NSD2: variants seen among roughly 807,000 people sequenced by gnomAD.
NSD2 encodes nuclear receptor binding SET domain protein 2, also known as histone-lysine N-methyltransferase NSD2.
In NSD2, 12 loss-of-function variants were observed where a neutral mutation model predicts 139.0. The observed-to-expected ratio is 0.09, with a 90% CI of 0.06 to 0.14. NSD2 has a LOEUF of 0.14. NSD2 is among the 10% of genes least tolerant of loss of function. The probability of loss-of-function intolerance (pLI) is 1.00; values close to 1 mark genes in which losing one functional copy is unlikely to be tolerated. For missense variants in NSD2, 1,155 were observed against 1,745.0 expected, an observed-to-expected ratio of 0.66 and a Z score of 6.02; for synonymous variants, 669 against 648.7, an observed-to-expected ratio of 1.03 and a Z score of -0.48.
intron 1 of NSD2, among the ~76,000 whole-genome samples, chr4:1,880,689 A>C (rs550846215): frequency 1.3e-5 from 2 of 152,330 alleles, no homozygotes; most frequent in East Asian, 3.9e-4. Flanking sequence ...TACAGGGGCA[A>C]GAGAAATACT....
At chr4:1,886,155 C>T (rs1275475093) in intron 1 of NSD2, among the ~76,000 whole-genome samples, 1 of 152,170 alleles carries the variant, frequency 6.6e-6, no homozygotes, top group Non-Finnish European at 1.5e-5. Context: ...CCCTGCTGTA[C>T]TCCCCTTCAG....
At position 1,973,171 on chromosome 4, in the gene NSD2, G is replaced by A. The variant is rs534710622; in HGVS notation, c.3373-1692G>A. On this transcript the variant is annotated intron_variant, in intron 18 of 21. Coordinates refer to ENST00000508803, the MANE Select transcript of NSD2 (RefSeq NM_001042424.3). The surrounding 1 kb of genome is among the most constrained non-coding windows in gnomAD (Gnocchi z 5.5). ...ACATATTGTTATAAAGGGGTCTGAT[G>A]TTTGGAATATCTAGGGAACATCTGT... 2.0e-4 allele frequency among the ~76,000 whole-genome samples: 31 copies of A among 152,312 alleles called. No individual in the cohort carries two copies. The highest frequency in any genetic ancestry group is 7.2e-4 in the African/African-American group (30 of 41,564).
At chr4:1,918,795 AAAGAT>A (rs1325825457) in intron 5 of NSD2, 172 bp downstream of exon 5, 15 of 914,218 alleles carry the variant, frequency 1.6e-5, no homozygotes, top group Non-Finnish European at 2.1e-5. Flanking sequence ...CCTTGAGGGA[AAAGAT>A]ACTCGACTTG....
chr4:1,944,470 C>T (rs1378454363), intron 9 of NSD2: 4 of 1,065,352 alleles, frequency 3.8e-6, no homozygotes, highest in Non-Finnish European at 4.6e-6. Flanking sequence ...ATACATGGAA[C>T]CATTTTAGTC....
rs1463302136 is a variant in NSD2 at position 1,976,700 on chromosome 4, TG to T, written c.3826+23del. The T allele has an allele frequency of 6.5e-7, 1 of 1,549,506 alleles. No homozygotes were observed. The highest frequency in any genetic ancestry group is 8.7e-7 in the Non-Finnish European group (1 of 1,146,512). On this transcript the variant is annotated intron_variant, in intron 21 of 21. Coordinates refer to ENST00000508803, the MANE Select transcript of NSD2 (RefSeq NM_001042424.3). The surrounding 1 kb of genome is among the most constrained non-coding windows in gnomAD (Gnocchi z 5.3). ...CTTCGGTGGGTGTGCAGCCTCGCGG[TG>T]GCTTGCAGCTGTGTCTGTGTGGCAG...
intron 1 of NSD2, among the ~76,000 whole-genome samples, chr4:1,886,549 C>A (rs558850941): frequency 6.6e-6 from 1 of 152,002 alleles, no homozygotes; most frequent in African/African-American, 2.4e-5. Flanking sequence ...AAGTAACTTG[C>A]GGCTGGGCGC....
intron 9 of NSD2, 32 bp downstream of exon 9, chr4:1,939,810 ATTGG>A: frequency 6.2e-7 from 1 of 1,614,016 alleles, no homozygotes; most frequent in Non-Finnish European, 8.5e-7. Context: ...TAACCATGGC[ATTGG>A]TATGAAGGCC....
chr4:1,927,790 T>G (rs1371488752), intron 5 of NSD2, among the ~76,000 whole-genome samples: 2 of 139,670 alleles, frequency 1.4e-5, no homozygotes, highest in Non-Finnish European at 3.0e-5. Flanking sequence ...GGGAATGTAA[T>G]CTGAAGACTC....
At chr4:1,922,311 A>G (rs889904008) in intron 5 of NSD2, among the ~76,000 whole-genome samples, 2 of 152,236 alleles carry the variant, frequency 1.3e-5, no homozygotes, top group Admixed American at 6.5e-5. Context: ...AGGAAATGTA[A>G]TGTTAAAAAA....
intron 2 of NSD2, among the ~76,000 whole-genome samples, chr4:1,902,211 T>C (rs924578432): frequency 3.3e-5 from 5 of 152,214 alleles, no homozygotes; most frequent in Admixed American, 3.3e-4. Flanking sequence ...ATGGCAGTGG[T>C]GAAGTTTTTA....
chr4:1,936,841 A>G (rs1182615652), intron 7 of NSD2, among the ~76,000 whole-genome samples: 1 of 152,160 alleles, frequency 6.6e-6, no homozygotes, highest in East Asian at 1.9e-4. Context: ...CATATCATTT[A>G]CCTTATTTCT....
At chr4:1,911,603 A>G (rs966494228) in intron 3 of NSD2, among the ~76,000 whole-genome samples, 31 of 148,258 alleles carry the variant, frequency 2.1e-4, no homozygotes, top group South Asian at 4.4e-4. Flanking sequence ...AAAAAAAAAA[A>G]AAAAGAAAAA....
chr4:1,944,680 C>T (rs1723437190), intron 9 of NSD2: 2 of 1,063,876 alleles, frequency 1.9e-6, no homozygotes, highest in African/African-American at 3.3e-5. Context: ...CACATATTGG[C>T]AATAGAGGTC....
chr4:1,894,764 C>T (rs928670421), intron 1 of NSD2, among the ~76,000 whole-genome samples: 6 of 152,046 alleles, frequency 3.9e-5, no homozygotes, highest in Non-Finnish European at 7.4e-5. Flanking sequence ...ATGTAAGCTC[C>T]TTGAAGGTAG....
intron 3 of NSD2, among the ~76,000 whole-genome samples, chr4:1,911,587 CAAAAAAAAAAA>C (rs372660600): frequency 2.4e-5 from 1 of 42,076 alleles, no homozygotes; most frequent in Non-Finnish European, 4.6e-5. Flanking sequence ...GACGCCATCT[CAAAAAAAAAAA>C]AAAAAAAAAG....
chr4:1,925,679 C>T (rs1232941729), intron 5 of NSD2, among the ~76,000 whole-genome samples: 3 of 151,696 alleles, frequency 2.0e-5, no homozygotes, highest in African/African-American at 4.8e-5. Flanking sequence ...GATTACAGGC[C>T]TGAGCCACTG....
chr4:1,924,776 A>C (rs1720636940), intron 5 of NSD2, among the ~76,000 whole-genome samples: 1 of 151,784 alleles, frequency 6.6e-6, no homozygotes, highest in Non-Finnish European at 1.5e-5. Flanking sequence ...AAAACAAGAA[A>C]ATTAACGGGG....
At chr4:1,945,643 G>A (rs985940617) in intron 9 of NSD2, 48 of 1,063,886 alleles carry the variant, frequency 4.5e-5, no homozygotes, top group East Asian at 5.0e-5. Context: ...TCTGTGTCCC[G>A]GCATGGAAGC....
chr4:1,921,646 G>T (rs1465066686), intron 5 of NSD2, among the ~76,000 whole-genome samples: 1 of 151,774 alleles, frequency 6.6e-6, no homozygotes, highest in East Asian at 1.9e-4. Context: ...ACCAGCTGTG[G>T]TGGCGAGCGC....
Sources: gnomAD v4.1 joint callset for allele counts (sites outside exome capture counted in the v4.1 genomes callset) on GRCh38, gnomAD v4.1.1 for gene constraint, Gnocchi (gnomAD v3.1) non-coding constraint, MANE v1.5 for transcripts, NCBI Gene and HGNC (gene_info 2026-07-23, HGNC 2026-07-21) for gene names.